Variants in PCDHA13 observed in about 807,000 individuals in gnomAD.
PCDHA13 encodes protocadherin alpha 13.
A neutral mutation model predicts 64.8 loss-of-function variants in PCDHA13; 54 were observed. That is an observed-to-expected ratio of 0.83 (90% CI 0.67 to 1.04). PCDHA13 has a LOEUF of 1.04. PCDHA13 is among the 50% of genes least tolerant of loss of function. The pLI, the probability that PCDHA13 is intolerant of heterozygous loss-of-function variation, is 0.00. For missense variants in PCDHA13, 1,248 were observed against 1,254.3 expected (o/e 0.99, Z 0.08); for synonymous variants, 587 against 564.4 (o/e 1.04, Z -0.57).
intron 1 of PCDHA13, among the ~76,000 whole-genome samples, chr5:140,933,345 A>G (rs1257404732): frequency 6.6e-6 from 1 of 151,960 alleles, no homozygotes; most frequent in Non-Finnish European, 1.5e-5. Flanking sequence ...AAAGATAAAC[A>G]CTTTATTTCT....
intron 1 of PCDHA13, among the ~76,000 whole-genome samples, chr5:140,932,118 A>C (rs2088050775): frequency 6.6e-6 from 1 of 151,946 alleles, no homozygotes; most frequent in African/African-American, 2.4e-5. Flanking sequence ...CCAATTGATA[A>C]TATTTAAGAT....
intron 3 of PCDHA13, among the ~76,000 whole-genome samples, chr5:140,999,235 T>C (rs1407252981): frequency 6.6e-6 from 1 of 152,154 alleles, no homozygotes; most frequent in Non-Finnish European, 1.5e-5. Context: ...GAATAGGTGG[T>C]TAAAGTGGGA....
intron 1 of PCDHA13, among the ~76,000 whole-genome samples, chr5:140,961,885 C>G (rs2095640261): frequency 6.7e-6 from 1 of 149,548 alleles, no homozygotes. Context: ...TTACTTACAT[C>G]AGTTTTTTTT....
In PCDHA13 at chr5:140,927,334, G is replaced by A. The variant is rs201745433; in HGVS notation, c.2394+42672G>A. The A allele has an allele frequency of 4.6e-5, 74 of 1,614,180 alleles. No individual in the cohort carries two copies. Among genetic ancestry groups the A allele is most frequent in the Non-Finnish European group, 5.9e-5 (70 of 1,180,032 alleles). ...CGGAGCCCGCTTTACTCTCCCGAAT[G>A]CCCAAGATGACGACGAGGGAAGCAA... On this transcript the variant is annotated intron_variant, in intron 1 of 3. Transcript: ENST00000289272.
intron 1 of PCDHA13, chr5:140,926,719 A>C: frequency 2.0e-6 from 2 of 986,548 alleles, no homozygotes; most frequent in Non-Finnish European, 2.7e-6. Context: ...AGCCCCGGCA[A>C]TGCCGGCGTT....
intron 1 of PCDHA13, among the ~76,000 whole-genome samples, chr5:140,941,953 C>A (rs1166757165): frequency 6.6e-6 from 1 of 152,054 alleles, no homozygotes; most frequent in Non-Finnish European, 1.5e-5. Flanking sequence ...GTTTTGAAAA[C>A]AATAGTATCT....
chr5:140,911,672 C>G (rs1010402307), intron 1 of PCDHA13, among the ~76,000 whole-genome samples: 1 of 152,156 alleles, frequency 6.6e-6, no homozygotes, highest in Non-Finnish European at 1.5e-5. Context: ...TTGCCTCTCA[C>G]GAACCGTGCA....
chr5:140,942,443 A>G (rs1204508547), intron 1 of PCDHA13, among the ~76,000 whole-genome samples: 2 of 152,100 alleles, frequency 1.3e-5, no homozygotes, highest in African/African-American at 4.8e-5. Flanking sequence ...ATAAACAAGT[A>G]AACTATCAAT....
At chr5:140,988,860 T>C (rs1270376752) in intron 3 of PCDHA13, 2 of 152,204 alleles carry the variant, frequency 1.3e-5, no homozygotes, top group South Asian at 2.1e-4. Flanking sequence ...TCCAGTCTCA[T>C]GTGCACTCAG....
intron 1 of PCDHA13, chr5:140,967,773 A>C (rs1285230643): frequency 1.9e-6 from 3 of 1,614,108 alleles, no homozygotes; most frequent in Non-Finnish European, 1.7e-6. Context: ...ATCTATGTGC[A>C]GGCGACTGAC....
At chr5:140,968,167 A>C (rs782252124) in intron 1 of PCDHA13, 1 of 1,614,076 alleles carries the variant, frequency 6.2e-7, no homozygotes, top group Admixed American at 1.7e-5. Flanking sequence ...ACAATCCACC[A>C]AGCTTCCTGG....
Position 140,883,922 on chromosome 5 carries a change from C to T in PCDHA13, c.1654C>T (p.Gln552Ter). The T allele has an allele frequency of 6.2e-7, 1 of 1,613,240 alleles. No individual in the cohort carries two copies. The highest frequency in any genetic ancestry group is 8.5e-7 in the Non-Finnish European group (1 of 1,179,804). ...VPPLGSNVTL[Q>*]VFVLDENDNA... ...GCCTCTGGGCAGCAACGTGACGCTG[C>T]AGGTGTTCGTGCTGGACGAGAACGA... is the stretch of plus-strand genomic sequence containing the variant. The change falls in exon 1 of 4, where the codon CAG (glutamine) becomes TAG (stop). Residue 552 changes from glutamine to a stop codon, truncating the protein, a stop_gained. Coordinates refer to ENST00000289272, the MANE Select transcript of PCDHA13 (RefSeq NM_018904.3). LOFTEE classifies it high-confidence loss of function.
intron 1 of PCDHA13, among the ~76,000 whole-genome samples, chr5:140,974,396 G>A (rs1413050341): frequency 6.6e-6 from 1 of 152,178 alleles, no homozygotes; most frequent in Non-Finnish European, 1.5e-5. Context: ...CATTAGGTAT[G>A]TTCTAAAGTT....
chr5:140,918,311 G>A (rs1286596595), intron 1 of PCDHA13, among the ~76,000 whole-genome samples: 2 of 152,070 alleles, frequency 1.3e-5, no homozygotes, highest in African/African-American at 4.8e-5. Context: ...GGGTTTTCTA[G>A]GTATAAAATT....
chr5:140,952,215 C>T (rs2094705548), intron 1 of PCDHA13, among the ~76,000 whole-genome samples: 1 of 152,034 alleles, frequency 6.6e-6, no homozygotes, highest in African/African-American at 2.4e-5. Context: ...GCAGCTTTTC[C>T]AGGCACAGTG....
intron 1 of PCDHA13, among the ~76,000 whole-genome samples, chr5:140,977,568 G>A (rs547387044): frequency 1.3e-5 from 2 of 152,312 alleles, no homozygotes; most frequent in East Asian, 1.9e-4. Context: ...TAGCAGATTG[G>A]TAGAATAGAG....
chr5:140,890,635 C>G (rs1015207309), intron 1 of PCDHA13, among the ~76,000 whole-genome samples: 1 of 152,114 alleles, frequency 6.6e-6, no homozygotes, highest in Non-Finnish European at 1.5e-5. Flanking sequence ...AAGCATGTAT[C>G]CTTGATATAT....
At chr5:140,983,783 G>A (rs2097068046) in intron 3 of PCDHA13, among the ~76,000 whole-genome samples, 1 of 152,130 alleles carries the variant, frequency 6.6e-6, no homozygotes, top group Non-Finnish European at 1.5e-5. Context: ...ATACATAACA[G>A]ATGACAGAAT....
At chr5:140,931,574 C>A (rs1311706898) in intron 1 of PCDHA13, among the ~76,000 whole-genome samples, 1 of 152,024 alleles carries the variant, frequency 6.6e-6, no homozygotes, top group Non-Finnish European at 1.5e-5. Flanking sequence ...CCATCCCATT[C>A]ATTCAGTTGA....
Sources: gnomAD v4.1 joint callset for allele counts (sites outside exome capture counted in the v4.1 genomes callset) on GRCh38, gnomAD v4.1.1 for gene constraint, MANE v1.5 for transcripts, NCBI Gene and HGNC (gene_info 2026-07-23, HGNC 2026-07-21) for gene names.